Variants in CD160 observed in about 807,000 individuals in gnomAD.
The protein encoded by CD160 is CD160 antigen.
Under a neutral mutation model 19.2 loss-of-function variants are expected in CD160, and 11 were observed. The observed-to-expected ratio is 0.57, with a 90% CI of 0.36 to 0.95. CD160 has a LOEUF of 0.95. Ranked by LOEUF, CD160 falls within the 40% of genes least tolerant of loss-of-function variation. The pLI, the probability that CD160 is intolerant of heterozygous loss-of-function variation, is 0.01. For synonymous variants in CD160, 75 were observed against 81.1 expected (o/e 0.93, Z 0.40); for missense variants, 182 against 213.2 (o/e 0.85, Z 0.91).
intron 1 of CD160, among the ~76,000 whole-genome samples, chr1:145,721,786 C>A (rs1378133998): frequency 6.6e-6 from 1 of 152,162 alleles, no homozygotes; most frequent in Non-Finnish European, 1.5e-5. Context: ...TCCCGAGAGC[C>A]CACAAACAAC....
chr1:145,736,800 G>C (rs1657513276), intron 5 of CD160: 1 of 152,874 alleles, frequency 6.5e-6, no homozygotes, highest in Admixed American at 6.5e-5. Context: ...TATATGTAAG[G>C]ACTTTGTCTT....
In CD160 at chr1:145,738,535, T is replaced by C; in HGVS notation, c.*42T>C. The stretch of plus-strand genomic sequence containing the variant: ...AACTTTTAAAACAGCTACAGCAAGA[T>C]GAGTCTGACTATGGCTTAGTATCTT... On this transcript the variant is annotated 3_prime_UTR_variant, in exon 6 of 6. Coordinates refer to ENST00000369288, the MANE Select transcript of CD160 (RefSeq NM_007053.4). 7.8e-7 allele frequency: 1 copy of C among 1,277,826 alleles called. No homozygotes were observed. Among genetic ancestry groups the C allele is most frequent in the Non-Finnish European group, 1.0e-6 (1 of 987,408 alleles). 79.2% of individuals were successfully genotyped at this position (1,277,826 alleles called of 1,614,324 possible).
chr1:145,735,705 T>C (rs587609209), intron 4 of CD160, among the ~76,000 whole-genome samples: 2 of 152,324 alleles, frequency 1.3e-5, no homozygotes, highest in South Asian at 4.1e-4. Flanking sequence ...TATTTGGGGA[T>C]ACCCAAGTCC....
chr1:145,725,423 C>T (rs376507741), intron 2 of CD160, among the ~76,000 whole-genome samples: 10 of 152,152 alleles, frequency 6.6e-5, no homozygotes, highest in East Asian at 5.8e-4. Context: ...CCAGCCTGGG[C>T]GACAGAGTGA....
intron 5 of CD160, chr1:145,737,920 T>C (rs1397837935): frequency 6.6e-6 from 1 of 152,118 alleles, no homozygotes; most frequent in Non-Finnish European, 1.5e-5. Context: ...AACGAGAAAA[T>C]ATACACTACT....
chr1:145,736,465 T>TA, intron 5 of CD160: 2 of 415,556 alleles, frequency 4.8e-6, no homozygotes, highest in South Asian at 4.7e-5. Flanking sequence ...TTTCAGCTAT[T>TA]AGAGGAAGAA....
Position 145,738,499 on chromosome 1 carries a change from G to T in CD160, c.*6G>T. 1 of 1,323,304 alleles carries T rather than the reference G, an allele frequency of 7.6e-7. No individual in the cohort carries two copies. The highest frequency in any genetic ancestry group is 9.8e-7 in the Non-Finnish European group (1 of 1,025,584). The allele number at this position is 1,323,304 out of a possible 1,614,324, so 82.0% of individuals were successfully genotyped here. ...TTCTTTCCACAGCTTTGTAAGCCTT[G>T]TGCCAAAAGAAACTTTTAAAACAGC... On this transcript the variant is annotated 3_prime_UTR_variant, in exon 6 of 6. Transcript: ENST00000369288.
At chr1:145,734,821 A>G (rs587647275) in intron 4 of CD160, among the ~76,000 whole-genome samples, 8 of 152,272 alleles carry the variant, frequency 5.3e-5, no homozygotes, top group African/African-American at 1.7e-4. Flanking sequence ...GTAATAAACA[A>G]TGTCAGGGTG....
chr1:145,720,700 T>C (rs913115104), intron 1 of CD160, among the ~76,000 whole-genome samples: 1 of 152,184 alleles, frequency 6.6e-6, no homozygotes, highest in Admixed American at 6.5e-5. Flanking sequence ...CCTTGCCCTC[T>C]TGTCCCCACC....
At chr1:145,731,458 G>A (rs1237695586) in intron 4 of CD160, among the ~76,000 whole-genome samples, 3 of 152,110 alleles carry the variant, frequency 2.0e-5, no homozygotes, top group Non-Finnish European at 4.4e-5. Flanking sequence ...ATCACCCGAG[G>A]TCAGGAGTTA....
In CD160 at chr1:145,723,763, T is replaced by C. The variant is rs587730345; in HGVS notation, c.-178-1038T>C. 1.4e-4 allele frequency among the ~76,000 whole-genome samples: 22 copies of C among 152,238 alleles called. No homozygotes were observed. In the South Asian group the frequency reaches 4.6e-3, roughly 32 times the overall value. On this transcript the variant is annotated intron_variant, in intron 1 of 5. Transcript: ENST00000369288. ...AACACCCAGCTAATTTTTGCATTTT[T>C]AGTAGAGCCAGGGTTTCACCATGTG... is the stretch of plus-strand genomic sequence containing the variant.
intron 3 of CD160, among the ~76,000 whole-genome samples, chr1:145,730,227 G>A (rs1657231674): frequency 6.6e-6 from 1 of 152,176 alleles, no homozygotes; most frequent in Non-Finnish European, 1.5e-5. Context: ...GGCGGAAGCA[G>A]GAGGATTGCT....
At chr1:145,720,617 G>A (rs1396704310) in intron 1 of CD160, among the ~76,000 whole-genome samples, 1 of 152,188 alleles carries the variant, frequency 6.6e-6, no homozygotes, top group Non-Finnish European at 1.5e-5. Flanking sequence ...TATTTGTGGA[G>A]CTCAGAGCTG....
rs1199927462 is a variant in CD160 at position 145,731,188 on chromosome 1, TC to T, written c.400+120del. ...CAGTTTCCTTCTTCCTCAATCCTTT[TC>T]CAACATCCCCATTGGCAGATGCTGC... On this transcript the variant is annotated intron_variant, in intron 4 of 5. Transcript: ENST00000369288. 3.2e-5 allele frequency: 24 copies of T among 755,232 alleles called. No individual in the cohort carries two copies. In the African/African-American group the frequency reaches 4.0e-4, roughly 13 times the overall value. 46.8% of individuals were successfully genotyped at this position (755,232 alleles called of 1,614,324 possible).
chr1:145,725,834 A>C (rs1657031982), intron 2 of CD160, among the ~76,000 whole-genome samples: 1 of 152,144 alleles, frequency 6.6e-6, no homozygotes, highest in Admixed American at 6.5e-5. Context: ...AATTAGAAGA[A>C]AGAAATCAGA....
At chr1:145,721,319 A>T (rs1488367204) in intron 1 of CD160, among the ~76,000 whole-genome samples, 2 of 152,158 alleles carry the variant, frequency 1.3e-5, no homozygotes, top group Non-Finnish European at 2.9e-5. Context: ...TTTGGCTGAA[A>T]GGCAGCGCCC....
At chr1:145,732,717 G>T (rs1657344071) in intron 4 of CD160, among the ~76,000 whole-genome samples, 1 of 152,038 alleles carries the variant, frequency 6.6e-6, no homozygotes, top group Non-Finnish European at 1.5e-5. Flanking sequence ...ATAAAATCAG[G>T]CTCTAGAAAA....
intron 1 of CD160, among the ~76,000 whole-genome samples, chr1:145,720,640 C>T (rs927151464): frequency 1.3e-5 from 2 of 152,210 alleles, no homozygotes; most frequent in Non-Finnish European, 1.5e-5. Flanking sequence ...CTTCCAGCTC[C>T]TCTGAGAGGT....
intron 1 of CD160, among the ~76,000 whole-genome samples, chr1:145,720,415 T>G (rs1286165029): frequency 1.3e-5 from 2 of 152,200 alleles, no homozygotes; most frequent in African/African-American, 4.8e-5. Flanking sequence ...CTTTGGTGTG[T>G]TGAGCAGGAA....
Sources: allele counts gnomAD v4.1 joint callset (sites outside exome capture counted in the v4.1 genomes callset), GRCh38; gene constraint gnomAD v4.1.1; transcripts MANE v1.5; gene names NCBI Gene and HGNC (gene_info 2026-07-23, HGNC 2026-07-21).